Variants in LRTM3 observed in about 807,000 individuals in gnomAD.
The protein encoded by LRTM3 is leucine rich repeat transmembrane protein 3.
chr13:102,748,472 G>A, the LRTM3 span: 180 of 1,551,124 alleles, frequency 1.2e-4, 1 homozygote, highest in Middle Eastern at 3.3e-4. Context: ...GCACCTTTGC[G>A]TTTTTGGTGT....
At chr13:102,735,260 T>C in the LRTM3 span, 4 of 1,551,236 alleles carry the variant, frequency 2.6e-6, no homozygotes, top group African/African-American at 5.5e-5. Context: ...CGCAACTTTT[T>C]CTCTATCCTT....
chr13:102,742,591 T>C, the LRTM3 span: 9 of 1,550,464 alleles, frequency 5.8e-6, no homozygotes, highest in Non-Finnish European at 7.0e-6. Context: ...AATCAACTTC[T>C]GCTTCTGTCT....
the LRTM3 span, chr13:102,736,371 C>T: frequency 1.0e-5 from 16 of 1,550,954 alleles, no homozygotes; most frequent in East Asian, 2.4e-4. Flanking sequence ...GCCTTGAAAA[C>T]GGCACCATTG....
At chr13:102,748,125 G>T in the LRTM3 span, 6 of 1,551,020 alleles carry the variant, frequency 3.9e-6, no homozygotes, top group Non-Finnish European at 5.2e-6. Context: ...GATATGCTAT[G>T]TGTTTCTGTA....
At chr13:102,736,014 T>C in the LRTM3 span, 1 of 1,550,010 alleles carries the variant, frequency 6.5e-7, no homozygotes, top group Non-Finnish European at 8.7e-7. Context: ...TTGGGGAGTA[T>C]TCTACCTTCC....
the LRTM3 span, chr13:102,750,435 C>G: frequency 9.6e-7 from 1 of 1,043,532 alleles, no homozygotes; most frequent in South Asian, 1.8e-5. Context: ...GAATATATTT[C>G]GTATAAGAAT....
At chr13:102,735,321 G>GTT in the LRTM3 span, 2 of 1,551,242 alleles carry the variant, frequency 1.3e-6, no homozygotes, top group East Asian at 4.9e-5. Flanking sequence ...TCACTTGAAA[G>GTT]TTCTCCATGG....
At chr13:102,747,508 A>G in the LRTM3 span, 2 of 1,550,738 alleles carry the variant, frequency 1.3e-6, no homozygotes, top group Non-Finnish European at 1.7e-6. Context: ...ATGGTAAAGT[A>G]AGCAAGTGGT....
At chr13:102,733,616 A>G in the LRTM3 span, 1 of 1,551,334 alleles carries the variant, frequency 6.4e-7, no homozygotes, top group Non-Finnish European at 8.7e-7. Context: ...AAACGCAGTT[A>G]AAGTTTCTGT....
chr13:102,736,066 C>T, the LRTM3 span: 1 of 1,542,420 alleles, frequency 6.5e-7, no homozygotes, highest in Non-Finnish European at 8.8e-7. Context: ...CTTTATATGG[C>T]ATTTGTTGGT....
chr13:102,740,452 G>A, the LRTM3 span: 1 of 1,550,150 alleles, frequency 6.5e-7, no homozygotes, highest in Non-Finnish European at 8.7e-7. Flanking sequence ...AATGTTGCAG[G>A]AGACAGGGAT....
At chr13:102,734,355 C>T in the LRTM3 span, 2 of 1,551,398 alleles carry the variant, frequency 1.3e-6, no homozygotes, top group Non-Finnish European at 1.7e-6. Context: ...CTTTCTTCAT[C>T]TGCATGCGTA....
the LRTM3 span, chr13:102,732,117 T>G: frequency 6.4e-7 from 1 of 1,551,314 alleles, no homozygotes. Flanking sequence ...TGTTCCCCTT[T>G]TACAATTGTT....
the LRTM3 span, chr13:102,748,812 G>T: frequency 2.6e-6 from 4 of 1,550,488 alleles, no homozygotes; most frequent in Non-Finnish European, 3.5e-6. Context: ...ATGAAGGATT[G>T]TTCTAGCTGA....
the LRTM3 span, chr13:102,736,275 C>G: frequency 1.9e-6 from 3 of 1,550,918 alleles, no homozygotes; most frequent in Admixed American, 5.9e-5. Flanking sequence ...CCTGCTCTCT[C>G]TTTCATGCCC....
At chr13:102,740,380 T>C in the LRTM3 span, 4 of 1,550,316 alleles carry the variant, frequency 2.6e-6, no homozygotes, top group Non-Finnish European at 3.5e-6. Flanking sequence ...ACAAGTCTAG[T>C]CCTGGTGTCC....
chr13:102,754,509 T>C, the LRTM3 span, among the ~76,000 whole-genome samples: 1 of 152,164 alleles, frequency 6.6e-6, no homozygotes, highest in Non-Finnish European at 1.5e-5. Flanking sequence ...TCCAGGCTTC[T>C]GATTGCTAAC....
At chr13:102,744,108 AT>A in the LRTM3 span, 1 of 1,550,574 alleles carries the variant, frequency 6.4e-7, no homozygotes, top group African/African-American at 1.4e-5. Context: ...CTTGTGTACC[AT>A]TGCTTCCCTT....
At chr13:102,757,122 T>C in the LRTM3 span, among the ~76,000 whole-genome samples, 2 of 152,230 alleles carry the variant, frequency 1.3e-5, no homozygotes, top group Non-Finnish European at 2.9e-5. Context: ...TTTGGACTTA[T>C]TCTGATTGCA....
Sources: allele counts gnomAD v4.1 joint callset (sites outside exome capture counted in the v4.1 genomes callset), GRCh38; gene constraint gnomAD v4.1.1; transcripts MANE v1.5; gene names NCBI Gene and HGNC (gene_info 2026-07-23, HGNC 2026-07-21).